SNAPC4: variants seen among roughly 807,000 people sequenced by gnomAD.
SNAPC4 encodes the protein snRNA-activating protein complex subunit 4.
Under a neutral mutation model 151.3 loss-of-function variants are expected in SNAPC4, and 127 were observed. The ratio of observed to expected loss-of-function variants is 0.84; its 90% CI spans 0.73 to 0.97. The LOEUF is 0.97. Among genes scored for constraint, SNAPC4 ranks in the 50% least tolerant of loss-of-function variants. The probability of loss-of-function intolerance (pLI) is 0.00; values close to 1 mark genes in which losing one functional copy is unlikely to be tolerated. For synonymous variants in SNAPC4, 1,002 were observed against 824.4 expected, an observed-to-expected ratio of 1.22 and a Z score of -3.69; for missense variants, 2,186 against 1,935.0, an observed-to-expected ratio of 1.13 and a Z score of -2.43.
rs941730424 is a variant in SNAPC4, at chr9:136,384,775, C to T, written c.1365G>A (p.Arg455=). 1.3e-6 allele frequency: 2 copies of T among 1,597,866 alleles called. No individual in the cohort carries two copies. The highest frequency in any genetic ancestry group is 8.5e-7 in the Non-Finnish European group (1 of 1,170,130). Reference sequence around the variant, plus strand: ...ACTGTTCCTCTTCTTTTAAATTCCACCGACCCTTTTTCAAGCTGAAATGTA... The same window carrying T: ...ACTGTTCCTCTTCTTTTAAATTCCATCGACCCTTTTTCAAGCTGAAATGTA... ...RRLHFSLKKG[R]WNLKEEEQLI... The change falls in exon 14 of 24, where the codon CGG becomes CGA. Residue 455 remains arginine, a synonymous_variant. Transcript: ENST00000684778.
rs562505156 is a variant in SNAPC4 at position 136,377,156 on chromosome 9, C to T, written c.4284+387G>A. Among the ~76,000 whole-genome samples, 45 of 152,316 alleles carry T rather than the reference C, an allele frequency of 3.0e-4. No individual in the cohort carries two copies. In the East Asian group the frequency reaches 5.0e-3, roughly 17 times the overall value. On this transcript the variant is annotated intron_variant, in intron 22 of 23. Transcript: ENST00000684778. Reference sequence around the variant, plus strand: ...CCCAGAAATCCAGAGACAAACACAGCCACCACCCTCCACTGTGCCCATGGC... The same window carrying T: ...CCCAGAAATCCAGAGACAAACACAGTCACCACCCTCCACTGTGCCCATGGC...
At chr9:136,390,674 T>C (rs928229566) in intron 10 of SNAPC4, among the ~76,000 whole-genome samples, 3 of 150,516 alleles carry the variant, frequency 2.0e-5, no homozygotes, top group Non-Finnish European at 4.4e-5. Flanking sequence ...CACGCTCACC[T>C]ACGGAACCAA....
At chr9:136,379,393 G>A in intron 21 of SNAPC4, 94 bp from the exon 22 acceptor site, 2 of 1,549,914 alleles carry the variant, frequency 1.3e-6, no homozygotes, top group Non-Finnish European at 1.7e-6. Flanking sequence ...GGGACCATGT[G>A]GGGAGCCTGG....
chr9:136,383,547 C>A lies in SNAPC4; in HGVS notation c.1622G>T (p.Ser541Ile), dbSNP rs1833782358. ...SGGSSSSSSS[S>I]SEEDEPEQAQ... ...CTGCTCTGGCTCGTCCTCCTCGCTG[C>A]TGCTGCTGCTGCTGCTGCTGCTCCC... The change falls in exon 16 of 24, where the codon AGC becomes ATC. Residue 541 changes from serine (S) to isoleucine (I), a missense_variant. Transcript: ENST00000684778. This position sits in a 1 kb window ranked among gnomAD's most constrained non-coding sequence, Gnocchi z 4.2. The A allele has an allele frequency of 1.5e-6, 2 of 1,353,406 alleles. No individual in the cohort carries two copies. Among genetic ancestry groups the A allele is most frequent in the Non-Finnish European group, 1.0e-6 (1 of 971,812 alleles). 83.8% of individuals were successfully genotyped at this position (1,353,406 alleles called of 1,614,324 possible).
chr9:136,386,308 T>C (rs1564387113), intron 13 of SNAPC4, among the ~76,000 whole-genome samples: 1 of 152,184 alleles, frequency 6.6e-6, no homozygotes. Flanking sequence ...GCGATTAGAT[T>C]GGGTTGTTTT....
chr9:136,384,185 A>G (rs1833812362), intron 14 of SNAPC4, among the ~76,000 whole-genome samples, 153 bp from the exon 15 acceptor site: 1 of 152,132 alleles, frequency 6.6e-6, no homozygotes, highest in East Asian at 1.9e-4. Flanking sequence ...GGTGCCTACA[A>G]TTTGGCAGCA....
intron 13 of SNAPC4, among the ~76,000 whole-genome samples, chr9:136,385,139 G>A (rs1227299148): frequency 6.6e-6 from 1 of 152,180 alleles, no homozygotes; most frequent in African/African-American, 2.4e-5. Flanking sequence ...GACTTCAACA[G>A]ACACTTCTCT....
rs1293489773 is a variant in SNAPC4 at position 136,379,277 on chromosome 9, C to T, written c.2550G>A (p.Pro850=). 27 of 1,612,494 alleles carry T rather than the reference C, an allele frequency of 1.7e-5. No homozygotes were observed. The highest frequency in any genetic ancestry group is 3.3e-5 in the South Asian group (3 of 91,070). The part of the protein sequence containing the change: ...STPGHLFPNV[P]AQEASKSASH... ...TGGCACTCTTTGAGGCTTCTTGAGC[C>T]GGCACGTTTGGGAAGAGGTGGCCTG... is the stretch of plus-strand genomic sequence containing the variant. The change falls in exon 22 of 24, where the codon CCG becomes CCA. Residue 850 remains proline, a synonymous_variant. Transcript: ENST00000684778.
At position 136,383,961 on chromosome 9, in the gene SNAPC4, T is replaced by C. The variant is rs1246148576; in HGVS notation, c.1492A>G (p.Met498Val). The C allele has an allele frequency of 1.2e-6, 2 of 1,610,684 alleles. No homozygotes were observed. Among genetic ancestry groups the C allele is most frequent in the Non-Finnish European group, 1.7e-6 (2 of 1,177,708 alleles). The change falls in exon 15 of 24, where the codon ATG (methionine) becomes GTG (valine). Residue 498 changes from methionine to valine, a missense_variant. By Grantham distance (21) the Met-to-Val change is conservative (BLOSUM62 1). Coordinates refer to ENST00000684778, the MANE Select transcript of SNAPC4 (RefSeq NM_003086.4). This position sits in a 1 kb window ranked among gnomAD's most constrained non-coding sequence, Gnocchi z 4.2. ...AGGAGCGAGTGGCTCACCCCCATCA[T>C]GATCTTCCACTTGCTCAGACACTGG... ...GSQCLSKWKI[M>V]MGKKQGLRRR...
At position 136,398,532 on chromosome 9, in the gene SNAPC4, G is replaced by A. The variant is rs1374641760; in HGVS notation, c.-9-95C>T. On this transcript the variant is annotated intron_variant, in intron 1 of 23. Transcript: ENST00000684778. Reference sequence around the variant, plus strand: ...CACCCGCCCATGGGGGATGGCAGGAGCCTGCTCGGCAGTGGGCACTGGGCT... The same window carrying A: ...CACCCGCCCATGGGGGATGGCAGGAACCTGCTCGGCAGTGGGCACTGGGCT... The A allele has an allele frequency of 2.8e-6, 4 of 1,446,268 alleles. No homozygotes were observed. In the Admixed American group the frequency reaches 7.8e-5, roughly 28 times the overall value. The allele number at this position is 1,446,268 out of a possible 1,614,324, so 89.6% of individuals were successfully genotyped here. A position where few individuals can be genotyped will look rare whatever the true frequency, so the allele number is the denominator to read the frequency against.
chr9:136,377,845 C>A lies in SNAPC4; in HGVS notation c.3982G>T (p.Ala1328Ser). The change falls in exon 22 of 24, where the codon GCC (alanine) becomes TCC (serine). Residue 1328 changes from alanine (A) to serine (S), a missense_variant. Physicochemically the swap from Ala to Ser is moderately conservative, Grantham distance 99. Coordinates refer to ENST00000684778, the MANE Select transcript of SNAPC4 (RefSeq NM_003086.4). The stretch of plus-strand genomic sequence containing the variant: ...TCGCCCCCCACCACCAGGGAGGTGG[C>A]CTTGTGCTCCAGGGCCTTCTTGTGG... ...LLHKKALEHK[A>S]TSLVVGGEAE... 1 of 1,611,450 alleles carries A rather than the reference C, an allele frequency of 6.2e-7. No homozygotes were observed.
At chr9:136,394,457 C>A in intron 6 of SNAPC4, 127 bp from the exon 7 acceptor site, 1 of 800,024 alleles carries the variant, frequency 1.2e-6, no homozygotes, top group Non-Finnish European at 2.2e-6. Context: ...CACGCCAGAC[C>A]TACTGACGTG....
In SNAPC4 at chr9:136,376,442, G is replaced by A; in HGVS notation, c.4324C>T (p.Leu1442=). The change falls in exon 23 of 24, where the codon CTG becomes TTG. Residue 1442 remains leucine (L), a synonymous_variant. Coordinates refer to ENST00000684778, the MANE Select transcript of SNAPC4 (RefSeq NM_003086.4). ...TCGTCAGGGTCATTAGAAGTATCCAGGCAGGAGGAAGCAGAGCATTTACCA... is the reference window on the plus strand; with the variant it reads ...TCGTCAGGGTCATTAGAAGTATCCAAGCAGGAGGAAGCAGAGCATTTACCA... ...DSGKCSASSC[L]DTSNDPDDLD... 2 of 1,613,472 alleles carry A rather than the reference G, an allele frequency of 1.2e-6. No individual in the cohort carries two copies. The highest frequency in any genetic ancestry group is 2.2e-5 in the South Asian group (2 of 91,086).
intron 9 of SNAPC4, 30 bp downstream of exon 9, chr9:136,392,492 G>T: frequency 6.2e-7 from 1 of 1,607,382 alleles, no homozygotes; most frequent in South Asian, 1.1e-5. Flanking sequence ...GCTCCAAGCT[G>T]CTTGGGGCTC....
At chr9:136,377,358 C>G (rs1373082076) in intron 22 of SNAPC4, among the ~76,000 whole-genome samples, 185 bp downstream of exon 22, 2 of 152,106 alleles carry the variant, frequency 1.3e-5, no homozygotes, top group East Asian at 3.9e-4. Flanking sequence ...CAAAGGGAGG[C>G]CACTTCTGCA....
chr9:136,377,308 C>T (rs894658643), intron 22 of SNAPC4, among the ~76,000 whole-genome samples: 4 of 152,182 alleles, frequency 2.6e-5, no homozygotes, highest in Non-Finnish European at 4.4e-5. Flanking sequence ...GGCTCCTGCA[C>T]GAGAATGAGG....
chr9:136,378,045 TG>T lies in SNAPC4; in HGVS notation c.3781del (p.Gln1261SerfsTer146). 1 of 1,584,792 alleles carries T rather than the reference TG, an allele frequency of 6.3e-7. No individual in the cohort carries two copies. The highest frequency in any genetic ancestry group is 8.6e-7 in the Non-Finnish European group (1 of 1,166,314). ...ALDLEKPPLP[Q>X]PGPEKGALDL... is the part of the protein sequence containing the mutation. Reference sequence around the variant, plus strand: ...CAGGGCCCCCTTCTCAGGCCCAGGCTGGGGTAGGGGCGGCTTCTCCAGGTCC... The same window carrying T: ...CAGGGCCCCCTTCTCAGGCCCAGGCTGGGTAGGGGCGGCTTCTCCAGGTCC... On this transcript the variant is annotated frameshift_variant, in exon 22 of 24. Transcript: ENST00000684778. LOFTEE classifies it high-confidence loss of function.
intron 7 of SNAPC4, among the ~76,000 whole-genome samples, chr9:136,393,071 G>A (rs529694565): frequency 6.6e-6 from 1 of 152,322 alleles, no homozygotes; most frequent in South Asian, 2.1e-4. Flanking sequence ...CTCCCAGCCT[G>A]TGCCTGGCAC....
intron 10 of SNAPC4, among the ~76,000 whole-genome samples, chr9:136,390,677 G>T (rs1413169183): frequency 6.6e-6 from 1 of 150,908 alleles, no homozygotes; most frequent in African/African-American, 2.4e-5. Context: ...GCTCACCTAC[G>T]GAACCAAACT....
Sources: allele counts gnomAD v4.1 joint callset (sites outside exome capture counted in the v4.1 genomes callset), GRCh38; gene constraint gnomAD v4.1.1; non-coding constraint Gnocchi (gnomAD v3.1); transcripts MANE v1.5; gene names NCBI Gene and HGNC (gene_info 2026-07-23, HGNC 2026-07-21).